NIPBL: variants seen among roughly 807,000 people sequenced by gnomAD.
NIPBL encodes NIPBL cohesin loading factor.
A neutral mutation model predicts 321.8 loss-of-function variants in NIPBL; 19 were observed. The ratio of observed to expected loss-of-function variants is 0.06; its 90% CI spans 0.04 to 0.09. The LOEUF (loss-of-function observed/expected upper bound fraction) is 0.09, where lower values mean the gene tolerates loss of function less well. NIPBL is among the 10% of genes least tolerant of loss of function. The probability of loss-of-function intolerance (pLI) is 1.00; values close to 1 mark genes in which losing one functional copy is unlikely to be tolerated. For synonymous variants in NIPBL, 1,106 were observed against 1,114.1 expected (o/e 0.99, Z 0.14); for missense variants, 2,210 against 3,327.0 (o/e 0.66, Z 8.26).
At chr5:36,917,733 T>C (rs1241354676) in intron 1 of NIPBL, among the ~76,000 whole-genome samples, 2 of 152,232 alleles carry the variant, frequency 1.3e-5, no homozygotes, top group South Asian at 2.1e-4. Context: ...GTTTCAACTT[T>C]CTACATATGG....
intron 32 of NIPBL, among the ~76,000 whole-genome samples, chr5:37,033,209 T>A (rs1751267191): frequency 6.6e-6 from 1 of 152,090 alleles, no homozygotes; most frequent in African/African-American, 2.4e-5. Flanking sequence ...AATGGGAAAC[T>A]GTGAGCTTTC....
intron 34 of NIPBL, among the ~76,000 whole-genome samples, chr5:37,043,355 C>T (rs1357943107): frequency 2.6e-5 from 4 of 152,042 alleles, no homozygotes. Context: ...TGGTGAAACC[C>T]CGTCTCTACT....
At chr5:37,064,302 CAAT>C in intron 46 of NIPBL, 5 of 1,396,926 alleles carry the variant, frequency 3.6e-6, no homozygotes, top group Non-Finnish European at 4.6e-6. Flanking sequence ...TTTTATATAT[CAAT>C]AAGAGTAAAG....
intron 8 of NIPBL, 64 bp from the exon 9 acceptor site, chr5:36,975,712 C>G (rs1193405209): frequency 1.1e-5 from 16 of 1,452,526 alleles, no homozygotes; most frequent in Non-Finnish European, 1.4e-5. Context: ...ATTAATATTT[C>G]TATCACATTG....
At position 37,003,474 on chromosome 5, in the gene NIPBL, A is replaced by G. The variant is rs1476720753; in HGVS notation, c.3855+127A>G. ...CTACAGTCAACTGTGATCTGAAAGT[A>G]GGTGAATAATTTTTATTACAGTCTA... On this transcript the variant is annotated intron_variant, in intron 16 of 46. Coordinates refer to ENST00000282516, the MANE Select transcript of NIPBL (RefSeq NM_133433.4). 1.5e-5 allele frequency: 9 copies of G among 611,772 alleles called. No individual in the cohort carries two copies. In the East Asian group the frequency reaches 2.4e-4, roughly 16 times the overall value. The allele number at this position is 611,772 out of a possible 1,614,324, so 37.9% of individuals were successfully genotyped here. A position where few individuals can be genotyped will look rare whatever the true frequency, so the allele number is the denominator to read the frequency against.
At chr5:36,971,070 A>C (rs1295434276) in intron 7 of NIPBL, 34 bp downstream of exon 7, 3 of 1,570,940 alleles carry the variant, frequency 1.9e-6, no homozygotes, top group Non-Finnish European at 2.6e-6. Flanking sequence ...GTGATAAAAT[A>C]GTTCTAATAT....
intron 45 of NIPBL, among the ~76,000 whole-genome samples, chr5:37,062,514 G>A (rs893611968): frequency 2.0e-5 from 3 of 151,128 alleles, no homozygotes; most frequent in Admixed American, 6.6e-5. Context: ...GGGAGTTATT[G>A]TTTAATGAGG....
chr5:36,957,488 A>G (rs1311678183), intron 3 of NIPBL, among the ~76,000 whole-genome samples: 2 of 152,160 alleles, frequency 1.3e-5, no homozygotes, highest in Admixed American at 1.3e-4. Context: ...ATTATTTTGA[A>G]TAGTTTAGAA....
intron 34 of NIPBL, among the ~76,000 whole-genome samples, chr5:37,041,781 T>C (rs1752409563): frequency 6.6e-6 from 1 of 151,770 alleles, no homozygotes; most frequent in South Asian, 2.1e-4. Flanking sequence ...GCCAGGCTGG[T>C]CTTGAACTCC....
At chr5:37,033,730 A>ATTTTTTTTTT (rs58081432) in intron 32 of NIPBL, among the ~76,000 whole-genome samples, 9 of 21,506 alleles carry the variant, frequency 4.2e-4, no homozygotes, top group African/African-American at 1.8e-3. Flanking sequence ...ATATATATAT[A>ATTTTTTTTTT]TTTTTTTTTT....
At chr5:36,957,098 A>G (rs149805085) in intron 3 of NIPBL, among the ~76,000 whole-genome samples, 74 of 152,256 alleles carry the variant, frequency 4.9e-4, no homozygotes, top group Non-Finnish European at 7.2e-4. Context: ...ATAGGTCTTC[A>G]TGGTTAGATC....
intron 4 of NIPBL, among the ~76,000 whole-genome samples, chr5:36,959,459 C>T (rs1177421991): frequency 2.0e-5 from 3 of 152,052 alleles, no homozygotes; most frequent in East Asian, 3.9e-4. Flanking sequence ...TAGGTATGCA[C>T]GACAGGGCTC....
chr5:37,039,487 T>C (rs1423858445), intron 34 of NIPBL, among the ~76,000 whole-genome samples: 1 of 152,024 alleles, frequency 6.6e-6, no homozygotes, highest in African/African-American at 2.4e-5. Context: ...TATGACAGCA[T>C]AGTGAGTTAC....
At chr5:36,900,268 G>T (rs985560132) in intron 1 of NIPBL, among the ~76,000 whole-genome samples, 3 of 152,148 alleles carry the variant, frequency 2.0e-5, no homozygotes, top group Non-Finnish European at 4.4e-5. Context: ...CATTTACATT[G>T]TATTTGGTAT....
intron 1 of NIPBL, among the ~76,000 whole-genome samples, chr5:36,881,481 A>G (rs1745497427): frequency 1.3e-5 from 2 of 151,980 alleles, no homozygotes; most frequent in South Asian, 2.1e-4. Flanking sequence ...GTCTGTCCCC[A>G]TAATATCTCA....
chr5:36,973,252 C>T (rs949108941), intron 8 of NIPBL, among the ~76,000 whole-genome samples: 1 of 151,358 alleles, frequency 6.6e-6, no homozygotes, highest in Non-Finnish European at 1.5e-5. Flanking sequence ...TATTTTACCT[C>T]GTATCTGCTT....
intron 1 of NIPBL, among the ~76,000 whole-genome samples, chr5:36,893,469 G>A (rs1435052617): frequency 6.6e-6 from 1 of 151,842 alleles, no homozygotes; most frequent in Non-Finnish European, 1.5e-5. Flanking sequence ...TTGAGAGGTA[G>A]CATATCAGAA....
intron 1 of NIPBL, among the ~76,000 whole-genome samples, chr5:36,896,475 G>C (rs578190838): frequency 5.9e-5 from 9 of 152,272 alleles, no homozygotes; most frequent in African/African-American, 2.2e-4. Flanking sequence ...CTGCAATTTT[G>C]ATAGGGGTCG....
intron 32 of NIPBL, 61 bp from the exon 33 acceptor site, chr5:37,036,318 A>ATT: frequency 2.7e-6 from 1 of 367,862 alleles, no homozygotes; most frequent in Non-Finnish European, 4.4e-6. Flanking sequence ...TTATACCGGG[A>ATT]TTTTTTTTTC....
Sources: gnomAD v4.1 joint callset for allele counts (sites outside exome capture counted in the v4.1 genomes callset) on GRCh38, gnomAD v4.1.1 for gene constraint, MANE v1.5 for transcripts, NCBI Gene and HGNC (gene_info 2026-07-23, HGNC 2026-07-21) for gene names.